Variants in NFKB1 observed in about 807,000 individuals in gnomAD.
The protein encoded by NFKB1 is nuclear factor kappa B subunit 1, also known as nuclear factor NF-kappa-B p105 subunit.
A neutral mutation model predicts 105.1 loss-of-function variants in NFKB1; 9 were observed. The observed-to-expected ratio is 0.09, with a 90% CI of 0.05 to 0.15. The LOEUF (loss-of-function observed/expected upper bound fraction) is 0.15. Ranked by LOEUF, NFKB1 falls within the 10% of genes least tolerant of loss-of-function variation. NFKB1 has a pLI of 1.00. For missense variants in NFKB1, 830 were observed against 1,203.7 expected, an observed-to-expected ratio of 0.69 and a Z score of 4.59; for synonymous variants, 440 against 442.2, an observed-to-expected ratio of 1.00 and a Z score of 0.06.
intron 23 of NFKB1, among the ~76,000 whole-genome samples, chr4:102,615,213 C>T (rs1728835517): frequency 6.6e-6 from 1 of 152,232 alleles, no homozygotes; most frequent in Non-Finnish European, 1.5e-5. Context: ...CACTGTGTGC[C>T]TAGCAGTGTT....
intron 6 of NFKB1, among the ~76,000 whole-genome samples, chr4:102,567,404 C>T (rs1414167819): frequency 1.3e-5 from 2 of 152,166 alleles, no homozygotes; most frequent in Non-Finnish European, 2.9e-5. Context: ...TGGATGATCA[C>T]TTATATGTGG....
intron 6 of NFKB1, among the ~76,000 whole-genome samples, chr4:102,575,925 C>T (rs1200297718): frequency 6.6e-6 from 1 of 152,172 alleles, no homozygotes; most frequent in Non-Finnish European, 1.5e-5. Flanking sequence ...TAGGACATTT[C>T]CTGGCACTGA....
In NFKB1 at chr4:102,610,711, T is replaced by A. The variant is rs376157505; in HGVS notation, c.2352+12T>A. 66 of 1,613,066 alleles carry A rather than the reference T, an allele frequency of 4.1e-5. No homozygotes were observed. Among genetic ancestry groups the A allele is most frequent in the Non-Finnish European group, 2.4e-5 (28 of 1,179,390 alleles). ...CCACCAGCTGGCAGGTGAGTGCCGC[T>A]CCATCTGTCTGATGGCTGCCCCTGA... is the stretch of plus-strand genomic sequence containing the variant. On this transcript the variant is annotated intron_variant, in intron 20 of 23. Coordinates refer to ENST00000226574, the MANE Select transcript of NFKB1 (RefSeq NM_003998.4).
chr4:102,517,641 A>G (rs1011973025), intron 1 of NFKB1, among the ~76,000 whole-genome samples: 1 of 152,214 alleles, frequency 6.6e-6, no homozygotes, highest in African/African-American at 2.4e-5. Flanking sequence ...TATAAGTTTT[A>G]TAGATATTAT....
intron 12 of NFKB1, 104 bp from the exon 13 acceptor site, chr4:102,594,788 T>C (rs1211486374): frequency 1.3e-6 from 1 of 743,708 alleles, no homozygotes; most frequent in African/African-American, 1.7e-5. Flanking sequence ...AATACTGTCC[T>C]GTCACACCAA....
chr4:102,542,298 T>C (rs1273665507), intron 5 of NFKB1, among the ~76,000 whole-genome samples: 1 of 152,176 alleles, frequency 6.6e-6, no homozygotes, highest in Non-Finnish European at 1.5e-5. Context: ...TGCCTGTGTC[T>C]TTCACATAGC....
chr4:102,603,917 T>C (rs1480165184), intron 16 of NFKB1, among the ~76,000 whole-genome samples: 1 of 152,216 alleles, frequency 6.6e-6, no homozygotes, highest in Non-Finnish European at 1.5e-5. Context: ...TTTTTCTCCT[T>C]TCATTCTCCT....
At chr4:102,601,132 G>A in intron 16 of NFKB1, 123 bp downstream of exon 16, 1 of 622,592 alleles carries the variant, frequency 1.6e-6, no homozygotes, top group African/African-American at 1.9e-5. Context: ...ACAAACCTTT[G>A]TAGGTAATAT....
At chr4:102,565,140 GTT>G (rs3836562) in intron 5 of NFKB1, among the ~76,000 whole-genome samples, 138 of 149,178 alleles carry the variant, frequency 9.3e-4, no homozygotes, top group Non-Finnish European at 1.4e-3. Context: ...TATACCCAGA[GTT>G]TTTTTTTTTT....
At position 102,549,925 on chromosome 4, in the gene NFKB1, T is replaced by C. The variant is rs573330655; in HGVS notation, c.258+11969T>C. 1.6e-4 allele frequency among the ~76,000 whole-genome samples: 25 copies of C among 152,306 alleles called. No individual in the cohort carries two copies. The East Asian group carries it at 3.1e-3, about 19-fold the overall frequency. On this transcript the variant is annotated intron_variant, in intron 5 of 23. Coordinates refer to ENST00000226574, the MANE Select transcript of NFKB1 (RefSeq NM_003998.4). ...GCCACCCTGGTATAAGCTACCATCC[T>C]CAGCATCTTTCTTCCAGTGGATTTT...
rs1741279950 is a variant in NFKB1, at chr4:102,531,397, A to T, written c.118+1483A>T. ...CCTCTTCATTGCAGTGTCATAGTAC[A>T]ATTTTTATAGTCCAAGATATATAGG... On this transcript the variant is annotated intron_variant, in intron 3 of 23. Transcript: ENST00000226574. 2.6e-5 allele frequency among the ~76,000 whole-genome samples: 4 copies of T among 152,184 alleles called. No individual in the cohort carries two copies. The South Asian group carries it at 8.3e-4, about 31-fold the overall frequency.
chr4:102,607,337 T>A lies in NFKB1; in HGVS notation c.2124+18T>A. 2 of 1,601,246 alleles carry A rather than the reference T, an allele frequency of 1.2e-6. No individual in the cohort carries two copies. Among genetic ancestry groups the A allele is most frequent in the Non-Finnish European group, 1.7e-6 (2 of 1,172,260 alleles). ...TCCTGGAGGTGAAGGGCACACTTAT[T>A]TGCTTTTGCATTAAATTTCTGAGGG... On this transcript the variant is annotated intron_variant, in intron 18 of 23. Coordinates refer to ENST00000226574, the MANE Select transcript of NFKB1 (RefSeq NM_003998.4).
At chr4:102,515,291 T>C (rs935711565) in intron 1 of NFKB1, among the ~76,000 whole-genome samples, 4 of 150,212 alleles carry the variant, frequency 2.7e-5, no homozygotes, top group South Asian at 2.1e-4. Context: ...TTTGTATTTT[T>C]AGTAGAGACG....
intron 2 of NFKB1, among the ~76,000 whole-genome samples, chr4:102,526,923 C>CGTGT (rs35185023): frequency 1.2e-4 from 18 of 150,368 alleles, no homozygotes; most frequent in South Asian, 4.2e-4. Flanking sequence ...CTCTCTTTTT[C>CGTGT]GTGTGTGTGT....
chr4:102,546,273 G>C (rs2149137377), intron 5 of NFKB1, among the ~76,000 whole-genome samples: 1 of 151,730 alleles, frequency 6.6e-6, no homozygotes, highest in Middle Eastern at 3.4e-3. Context: ...TTGAGTAGCA[G>C]AACATTGGAC....
At chr4:102,603,789 A>G (rs527666987) in intron 16 of NFKB1, among the ~76,000 whole-genome samples, 1 of 152,342 alleles carries the variant, frequency 6.6e-6, no homozygotes, top group South Asian at 2.1e-4. Context: ...ATCTAAGTAC[A>G]TTTCTGTGAC....
intron 1 of NFKB1, among the ~76,000 whole-genome samples, chr4:102,520,826 T>C (rs1037491449): frequency 2.0e-5 from 3 of 152,202 alleles, no homozygotes; most frequent in Non-Finnish European, 2.9e-5. Context: ...GCTTAGAAGT[T>C]TTTGGCTCAT....
Position 102,508,670 on chromosome 4 carries a change from G to C in NFKB1, c.-8+6882G>C, listed in dbSNP as rs545923083. On this transcript the variant is annotated intron_variant, in intron 1 of 23. Transcript: ENST00000226574. ...ATTTAATGCATTCATTTATTATACT[G>C]CTAATACATGATAAGGTGAATAGGT... Among the ~76,000 whole-genome samples the C allele has an allele frequency of 4.8e-4, 73 of 152,130 alleles. 1 individual carries two copies. The South Asian group carries it at 0.015, about 31-fold the overall frequency.
intron 5 of NFKB1, among the ~76,000 whole-genome samples, chr4:102,563,253 C>G (rs936282113): frequency 2.0e-5 from 3 of 152,124 alleles, no homozygotes; most frequent in African/African-American, 7.2e-5. Context: ...GGAAGAAAAT[C>G]TTAAGTTTCA....
Sources: allele counts gnomAD v4.1 joint callset (sites outside exome capture counted in the v4.1 genomes callset), GRCh38; gene constraint gnomAD v4.1.1; transcripts MANE v1.5; gene names NCBI Gene and HGNC (gene_info 2026-07-23, HGNC 2026-07-21).